The following CDKAL1 variants were observed in gnomAD, a reference collection of about 807,000 sequenced individuals.
CDKAL1 encodes threonylcarbamoyladenosine tRNA methylthiotransferase.
CDKAL1 carries 32 observed loss-of-function variants against 68.2 expected under a neutral mutation model. That is an observed-to-expected ratio of 0.47 (90% CI 0.35 to 0.63). The LOEUF (loss-of-function observed/expected upper bound fraction) is 0.63, where lower values mean the gene tolerates loss of function less well. CDKAL1 is among the 30% of genes least tolerant of loss of function. The pLI is 0.00. For missense variants in CDKAL1, 606 were observed against 696.7 expected (o/e 0.87, Z 1.47); for synonymous variants, 234 against 244.3 (o/e 0.96, Z 0.39).
At chr6:20,840,567 A>AG (rs1778135274) in intron 8 of CDKAL1, among the ~76,000 whole-genome samples, 1 of 152,192 alleles carries the variant, frequency 6.6e-6, no homozygotes, top group African/African-American at 2.4e-5. Flanking sequence ...ACCCAAGTGG[A>AG]GGGATTTCAT....
intron 7 of CDKAL1, among the ~76,000 whole-genome samples, chr6:20,770,595 G>A (rs1031471323): frequency 6.6e-6 from 1 of 152,108 alleles, no homozygotes. Context: ...ATTTTAAGAC[G>A]ATGTTTGATT....
At chr6:20,563,787 TTTTCC>T (rs1451518139) in intron 4 of CDKAL1, among the ~76,000 whole-genome samples, 1 of 152,150 alleles carries the variant, frequency 6.6e-6, no homozygotes, top group Non-Finnish European at 1.5e-5. Flanking sequence ...CATAAGTATC[TTTTCC>T]TTTCCAAATT....
chr6:20,864,362 C>A (rs1759796616), intron 9 of CDKAL1, among the ~76,000 whole-genome samples: 1 of 152,052 alleles, frequency 6.6e-6, no homozygotes, highest in African/African-American at 2.4e-5. Flanking sequence ...GAGTTTTTTT[C>A]TAGCACATTA....
At chr6:20,771,465 G>A (rs1774938916) in intron 7 of CDKAL1, among the ~76,000 whole-genome samples, 1 of 152,260 alleles carries the variant, frequency 6.6e-6, no homozygotes, top group Admixed American at 6.5e-5. Flanking sequence ...ATACATAGAT[G>A]GGAAAATTCC....
At chr6:20,705,988 A>G (rs571700344) in intron 5 of CDKAL1, among the ~76,000 whole-genome samples, 2 of 152,276 alleles carry the variant, frequency 1.3e-5, no homozygotes, top group East Asian at 3.9e-4. Flanking sequence ...TTCCAAGGGC[A>G]GCAGCAGACC....
chr6:21,019,474 G>A (rs967801593), intron 11 of CDKAL1, among the ~76,000 whole-genome samples: 2 of 152,132 alleles, frequency 1.3e-5, no homozygotes, highest in Non-Finnish European at 2.9e-5. Flanking sequence ...CAGGTGCTGT[G>A]TATAGAATTA....
At chr6:20,620,815 G>A (rs958519263) in intron 4 of CDKAL1, among the ~76,000 whole-genome samples, 3 of 151,860 alleles carry the variant, frequency 2.0e-5, no homozygotes, top group African/African-American at 7.3e-5. Context: ...TGCTCCTATA[G>A]GTGCCTCTCT....
At chr6:20,585,596 A>G (rs1765322459) in intron 4 of CDKAL1, among the ~76,000 whole-genome samples, 1 of 152,062 alleles carries the variant, frequency 6.6e-6, no homozygotes. Context: ...CTTATCTTAT[A>G]TAGTCTTTGT....
chr6:21,203,331 A>G (rs1210258368), intron 15 of CDKAL1, among the ~76,000 whole-genome samples: 3 of 141,712 alleles, frequency 2.1e-5, no homozygotes, highest in Non-Finnish European at 4.5e-5. Flanking sequence ...CCACCCCCCA[A>G]GTTCAAGCAA....
chr6:21,113,181 A>G (rs1406112162), intron 13 of CDKAL1, among the ~76,000 whole-genome samples: 4 of 152,208 alleles, frequency 2.6e-5, no homozygotes, highest in Non-Finnish European at 5.9e-5. Context: ...GCCTTAGGGT[A>G]AAATAATTGG....
chr6:20,943,328 CAAAAA>C (rs34759060), intron 9 of CDKAL1, among the ~76,000 whole-genome samples: 2 of 51,016 alleles, frequency 3.9e-5, no homozygotes, highest in African/African-American at 8.8e-5. Flanking sequence ...CTTGTTTTTT[CAAAAA>C]AAAAAAAAAA....
intron 9 of CDKAL1, among the ~76,000 whole-genome samples, chr6:20,938,623 T>G (rs568306066): frequency 4.6e-5 from 7 of 152,322 alleles, no homozygotes; most frequent in African/African-American, 1.7e-4. Flanking sequence ...ATTGATAGAA[T>G]CATCTCAATT....
intron 11 of CDKAL1, among the ~76,000 whole-genome samples, chr6:21,052,386 TCACC>T (rs1280955505): frequency 1.3e-5 from 2 of 152,100 alleles, no homozygotes; most frequent in African/African-American, 2.4e-5. Flanking sequence ...TCTAGCCCTG[TCACC>T]CAGGCTGAAG....
chr6:20,641,610 C>T (rs1768179216), intron 4 of CDKAL1, among the ~76,000 whole-genome samples: 1 of 152,132 alleles, frequency 6.6e-6, no homozygotes, highest in Non-Finnish European at 1.5e-5. Flanking sequence ...TAGACATATT[C>T]TTCTACACCT....
At chr6:20,973,714 C>T (rs1396260414) in intron 10 of CDKAL1, among the ~76,000 whole-genome samples, 1 of 152,120 alleles carries the variant, frequency 6.6e-6, no homozygotes, top group African/African-American at 2.4e-5. Flanking sequence ...AAGTGATCCT[C>T]CCACCTCAGC....
At chr6:21,082,927 G>A (rs1387650611) in intron 12 of CDKAL1, among the ~76,000 whole-genome samples, 1 of 144,972 alleles carries the variant, frequency 6.9e-6, no homozygotes, top group African/African-American at 2.5e-5. Context: ...AGGCTGGAGT[G>A]CAGCGGCACA....
intron 10 of CDKAL1, among the ~76,000 whole-genome samples, chr6:20,980,642 C>A (rs548065705): frequency 2.6e-5 from 4 of 151,604 alleles, no homozygotes; most frequent in Non-Finnish European, 5.9e-5. Flanking sequence ...CAGTCTTTAA[C>A]GGCATGGATG....
At chr6:20,561,446 GAAAAAA>G (rs55750789) in intron 4 of CDKAL1, among the ~76,000 whole-genome samples, 17 of 79,646 alleles carry the variant, frequency 2.1e-4, no homozygotes, top group African/African-American at 7.3e-4. Flanking sequence ...TCTCAAAAAA[GAAAAAA>G]AAAAAAAAAA....
At chr6:20,569,166 C>T (rs1394496921) in intron 4 of CDKAL1, among the ~76,000 whole-genome samples, 1 of 152,168 alleles carries the variant, frequency 6.6e-6, no homozygotes, top group African/African-American at 2.4e-5. Context: ...TGATTTGTTA[C>T]CACTTGGCAT....
Sources: allele counts gnomAD v4.1 joint callset (sites outside exome capture counted in the v4.1 genomes callset), GRCh38; gene constraint gnomAD v4.1.1; transcripts MANE v1.5; gene names NCBI Gene and HGNC (gene_info 2026-07-23, HGNC 2026-07-21).